DNMT3A: variants seen among roughly 807,000 people sequenced by gnomAD.
The protein encoded by DNMT3A is DNA methyltransferase 3 alpha, also known as DNA (cytosine-5)-methyltransferase 3A.
Under a neutral mutation model 117.6 loss-of-function variants are expected in DNMT3A, and 267 were observed. That is an observed-to-expected ratio of 2.27 (90% confidence interval 2.05 to 2.51). The LOEUF is 2.51. DNMT3A is among the 30% of genes most tolerant of loss of function. The pLI is 0.00. For missense variants in DNMT3A, 1,029 were observed against 1,260.2 expected (o/e 0.82, Z 2.78); for synonymous variants, 432 against 474.8 (o/e 0.91, Z 1.17).
At chr2:25,277,749 T>C (rs1303258665) in intron 4 of DNMT3A, among the ~76,000 whole-genome samples, 1 of 152,094 alleles carries the variant, frequency 6.6e-6, no homozygotes, top group Non-Finnish European at 1.5e-5. Flanking sequence ...CACTTAAATT[T>C]TGCAGAAAGC....
Position 25,282,679 on chromosome 2 carries a change from C to A in DNMT3A, c.210G>T (p.Ala70=). 1 of 1,561,650 alleles carries A rather than the reference C, an allele frequency of 6.4e-7. No homozygotes were observed. The highest frequency in any genetic ancestry group is 8.7e-7 in the Non-Finnish European group (1 of 1,153,604). ...VESGDTPKDP[A]VISKSPSMAQ... The stretch of plus-strand genomic sequence containing the variant: ...CCATGGATGGGGACTTGGAGATCAC[C>A]GCAGGGTCCTTTGGCGTGTCACCGC... The change falls in exon 4 of 23, where the codon GCG becomes GCT. Residue 70 remains alanine, a synonymous_variant. Coordinates refer to ENST00000321117, the MANE Select transcript of DNMT3A (RefSeq NM_022552.5). This position sits in a 1 kb window ranked among gnomAD's most constrained non-coding sequence, Gnocchi z 5.2.
chr2:25,263,826 A>C (rs1336588960), intron 6 of DNMT3A, among the ~76,000 whole-genome samples: 1 of 152,166 alleles, frequency 6.6e-6, no homozygotes, highest in African/African-American at 2.4e-5. Flanking sequence ...AGTCCTGTTC[A>C]GGTCAATGGC....
At position 25,298,165 on chromosome 2, in the gene DNMT3A, A is replaced by G. The variant is rs767552543; in HGVS notation, c.177+1974T>C. On this transcript the variant is annotated intron_variant, in intron 3 of 22. Coordinates refer to ENST00000321117, the MANE Select transcript of DNMT3A (RefSeq NM_022552.5). This position sits in a 1 kb window ranked among gnomAD's most constrained non-coding sequence, Gnocchi z 4.3. ...GTTCAGGCAGCAGCAGTTCAAGGTT[A>G]CACAGGTGGTCAGTGGTGGAGCCAG... 3.9e-5 allele frequency among the ~76,000 whole-genome samples: 6 copies of G among 152,216 alleles called. No individual in the cohort carries two copies. Among genetic ancestry groups the G allele is most frequent in the Non-Finnish European group, 7.3e-5 (5 of 68,028 alleles).
chr2:25,290,841 G>C (rs2032705619), intron 3 of DNMT3A, among the ~76,000 whole-genome samples: 1 of 152,152 alleles, frequency 6.6e-6, no homozygotes, highest in African/African-American at 2.4e-5. Context: ...CTCCTCCCCT[G>C]CCTCTTCCTT....
chr2:25,329,673 C>CACACA lies in DNMT3A; in HGVS notation c.-178+12152_-178+12153insTGTGT, dbSNP rs2034934868. Among the ~76,000 whole-genome samples, 43 of 138,490 alleles carry CACACA rather than the reference C, an allele frequency of 3.1e-4. 1 individual carries two copies. In the South Asian group the frequency reaches 4.2e-3, roughly 14 times the overall value. The allele number at this position is 138,490 out of a possible 152,430, so 90.9% of individuals were successfully genotyped here. A position where few individuals can be genotyped will look rare whatever the true frequency, so the allele number is the denominator to read the frequency against. On this transcript the variant is annotated intron_variant, in intron 1 of 22. Transcript: ENST00000321117. ...GGAGTCTCTCACAGTCATGCAGACCCCACACACACACACACACACACACAC... is the reference window on the plus strand; with the variant it reads ...GGAGTCTCTCACAGTCATGCAGACCCACACACACACACACACACACACACACACAC...
chr2:25,246,137 C>A (rs2149299383), intron 11 of DNMT3A, 23 bp downstream of exon 11: 1 of 1,614,170 alleles, frequency 6.2e-7, no homozygotes, highest in Non-Finnish European at 8.5e-7. Context: ...TGGTGCCACC[C>A]TCTCCAGAAG....
At position 25,247,004 on chromosome 2, in the gene DNMT3A, C is replaced by T. The variant is rs773561262; in HGVS notation, c.1122+47G>A. ...GACCTGCACTCCAACTTCCAGGCCT[C>T]CTAGTGCTCTAGGCTCCTCCTCCGA... On this transcript the variant is annotated intron_variant, in intron 9 of 22. Coordinates refer to ENST00000321117, the MANE Select transcript of DNMT3A (RefSeq NM_022552.5). The surrounding 1 kb of genome is among the most constrained non-coding windows in gnomAD (Gnocchi z 5.6). 4 of 1,590,208 alleles carry T rather than the reference C, an allele frequency of 2.5e-6. No individual in the cohort carries two copies. The highest frequency in any genetic ancestry group is 3.5e-5 in the Admixed American group (2 of 56,552).
At chr2:25,289,081 C>G (rs967140716) in intron 3 of DNMT3A, among the ~76,000 whole-genome samples, 1 of 152,096 alleles carries the variant, frequency 6.6e-6, no homozygotes, top group African/African-American at 2.4e-5. Flanking sequence ...CCTCCCTCCT[C>G]GACTGTGAGC....
chr2:25,269,285 C>T (rs2030649190), intron 6 of DNMT3A, among the ~76,000 whole-genome samples: 1 of 152,228 alleles, frequency 6.6e-6, no homozygotes, highest in African/African-American at 2.4e-5. Flanking sequence ...CAAGAGACTG[C>T]ACCACTGCAC....
At chr2:25,302,836 G>A (rs79045884) in intron 2 of DNMT3A, among the ~76,000 whole-genome samples, 295 of 152,350 alleles carry the variant, frequency 1.9e-3, no homozygotes, top group African/African-American at 6.8e-3. Context: ...AATGGGCACC[G>A]TCTTGATCAG....
chr2:25,277,319 G>A (rs1247825773), intron 4 of DNMT3A, among the ~76,000 whole-genome samples: 2 of 152,248 alleles, frequency 1.3e-5, no homozygotes, highest in East Asian at 3.9e-4. Context: ...CAGCCTGTCC[G>A]GGGCCTCCCC....
chr2:25,304,226 G>T lies in DNMT3A; in HGVS notation c.73-3983C>A, dbSNP rs900606567. On this transcript the variant is annotated intron_variant, in intron 2 of 22. Transcript: ENST00000321117. The surrounding 1 kb of genome is among the most constrained non-coding windows in gnomAD (Gnocchi z 4.3). ...AGGGCAGAGCCGGGCTGGGAGTTTC[G>T]CTCTGCTCTTTGCTTAGGAGTAACC... is the stretch of plus-strand genomic sequence containing the variant. Among the ~76,000 whole-genome samples, 1 of 152,120 alleles carries T rather than the reference G, an allele frequency of 6.6e-6. No homozygotes were observed. Among genetic ancestry groups the T allele is most frequent in the African/African-American group, 2.4e-5 (1 of 41,398 alleles).
intron 2 of DNMT3A, among the ~76,000 whole-genome samples, chr2:25,312,893 A>G (rs1285838476): frequency 6.6e-6 from 1 of 152,126 alleles, no homozygotes; most frequent in African/African-American, 2.4e-5. Flanking sequence ...AAAAGAACCA[A>G]CTGGTGCCCC....
chr2:25,242,077 T>G, intron 16 of DNMT3A: 1 of 242,184 alleles, frequency 4.1e-6, no homozygotes. Flanking sequence ...GCTACAATTC[T>G]ACCCCACCCT....
intron 2 of DNMT3A, among the ~76,000 whole-genome samples, chr2:25,300,599 AT>A: frequency 8.1e-6 from 1 of 123,286 alleles, no homozygotes; most frequent in South Asian, 2.5e-4. Context: ...ACACCCATAT[AT>A]ATATCTAAAT....
At chr2:25,241,863 A>C (rs1459479606) in intron 16 of DNMT3A, 156 bp from the exon 17 acceptor site, 3 of 937,014 alleles carry the variant, frequency 3.2e-6, no homozygotes, top group Non-Finnish European at 4.7e-6. Context: ...TTCTGGATCC[A>C]ACTGGAGTAT....
intron 1 of DNMT3A, chr2:25,314,484 G>A (rs1308894203): frequency 4.1e-6 from 4 of 984,982 alleles, no homozygotes; most frequent in African/African-American, 1.8e-5. Context: ...AAAGCTTCCC[G>A]CATCCTCCCT....
chr2:25,314,087 CA>C lies in DNMT3A; in HGVS notation c.-104del. ...TTGGAGGCGAGAGTTAAAACTTAAA[CA>C]TAGATCCCGGTGTTGAGCCCTCTGG... On this transcript the variant is annotated 5_prime_UTR_variant, in exon 2 of 23. The change abolishes an upstream ATG in the 5' untranslated region. Transcript: ENST00000321117. The C allele has an allele frequency of 2.8e-6, 4 of 1,440,488 alleles. No individual in the cohort carries two copies. Among genetic ancestry groups the C allele is most frequent in the Non-Finnish European group, 3.6e-6 (4 of 1,099,420 alleles). 89.2% of individuals were successfully genotyped at this position (1,440,488 alleles called of 1,614,324 possible).
At chr2:25,324,975 T>A (rs2034729866) in intron 1 of DNMT3A, among the ~76,000 whole-genome samples, 1 of 151,976 alleles carries the variant, frequency 6.6e-6, no homozygotes, top group Non-Finnish European at 1.5e-5. Context: ...CACACCACTC[T>A]CGAGGCCATG....
Sources: gnomAD v4.1 joint callset for allele counts (sites outside exome capture counted in the v4.1 genomes callset) on GRCh38, gnomAD v4.1.1 for gene constraint, Gnocchi (gnomAD v3.1) non-coding constraint, MANE v1.5 for transcripts, NCBI Gene and HGNC (gene_info 2026-07-23, HGNC 2026-07-21) for gene names.